ANKRD26: variants seen among roughly 807,000 people sequenced by gnomAD.
ANKRD26 encodes the protein ankyrin repeat domain 26, also known as ankyrin repeat domain-containing protein 26.
Under a neutral mutation model 208.7 loss-of-function variants are expected in ANKRD26, and 141 were observed. That is an observed-to-expected ratio of 0.68 (90% confidence interval 0.59 to 0.78). ANKRD26 has a LOEUF of 0.78. ANKRD26 is among the 30% of genes least tolerant of loss of function. The pLI, the probability that ANKRD26 is intolerant of heterozygous loss-of-function variation, is 0.00. For missense variants in ANKRD26, 1,889 were observed against 1,938.7 expected, an observed-to-expected ratio of 0.97 and a Z score of 0.48; for synonymous variants, 636 against 660.4, an observed-to-expected ratio of 0.96 and a Z score of 0.57.
chr10:27,023,226 G>A (rs2053547389), intron 28 of ANKRD26, among the ~76,000 whole-genome samples: 1 of 152,052 alleles, frequency 6.6e-6, no homozygotes, highest in South Asian at 2.1e-4. Flanking sequence ...CTATTCAGGA[G>A]GCTGAGTTGG....
the ANKRD26 span, among the ~76,000 whole-genome samples, chr10:26,958,310 T>C: frequency 1.3e-5 from 2 of 152,108 alleles, no homozygotes; most frequent in Non-Finnish European, 2.9e-5. Context: ...GGTTTCGAAC[T>C]CCTGACCTCA....
At chr10:26,977,993 T>G (rs747337522) in intron 5 of ANKRD26, among the ~76,000 whole-genome samples, 2 of 152,198 alleles carry the variant, frequency 1.3e-5, no homozygotes, top group Non-Finnish European at 2.9e-5. Flanking sequence ...CTTTGAATGC[T>G]TCTTTTGACT....
At chr10:27,050,228 A>AC in intron 16 of ANKRD26, among the ~76,000 whole-genome samples, 1 of 148,158 alleles carries the variant, frequency 6.7e-6, no homozygotes, top group Non-Finnish European at 1.5e-5. Flanking sequence ...TCAAAAAAAA[A>AC]AAAAAAAAAA....
chr10:27,094,715 G>T (rs1203960817), intron 1 of ANKRD26, among the ~76,000 whole-genome samples: 1 of 152,184 alleles, frequency 6.6e-6, no homozygotes, highest in East Asian at 1.9e-4. Context: ...AAAGATCAGC[G>T]ATAAGGCCAG....
rs1019429620 is a variant in ANKRD26, at chr10:27,091,889, A to C, written c.638+517T>G. ...GTAATCCCAGCTACTCAGGGGGCTGAGGCAGGAGAATCGCTTGAACCCAGG... is the reference window on the plus strand; with the variant it reads ...GTAATCCCAGCTACTCAGGGGGCTGCGGCAGGAGAATCGCTTGAACCCAGG... On this transcript the variant is annotated intron_variant, in intron 4 of 33. Coordinates refer to ENST00000376087, the MANE Select transcript of ANKRD26 (RefSeq NM_014915.3). Among the ~76,000 whole-genome samples the C allele has an allele frequency of 9.2e-5, 14 of 151,970 alleles. 1 individual carries two copies. Among genetic ancestry groups the C allele is most frequent in the Non-Finnish European group, 1.5e-4 (10 of 68,002 alleles).
chr10:27,086,777 T>G (rs936968686), intron 4 of ANKRD26, among the ~76,000 whole-genome samples, 168 bp from the exon 5 acceptor site: 5 of 142,098 alleles, frequency 3.5e-5, no homozygotes, highest in East Asian at 2.0e-4. Flanking sequence ...TGTTTTTTTT[T>G]TTTTTTTTTT....
At position 27,077,242 on chromosome 10, in the gene ANKRD26, CA is replaced by C; in HGVS notation, c.1077+95del. 3 of 1,117,892 alleles carry C rather than the reference CA, an allele frequency of 2.7e-6. No homozygotes were observed. In the South Asian group the frequency reaches 4.0e-5, roughly 15 times the overall value. 69.2% of individuals were successfully genotyped at this position (1,117,892 alleles called of 1,614,324 possible). A position where few individuals can be genotyped will look rare whatever the true frequency, so the allele number is the denominator to read the frequency against. On this transcript the variant is annotated intron_variant, in intron 9 of 33. Coordinates refer to ENST00000376087, the MANE Select transcript of ANKRD26 (RefSeq NM_014915.3). ...TTCATCACATAAACATAATTAGAAA[CA>C]AAAACTGTATGATCATCTCAATAGA...
At chr10:27,065,404 G>A (rs760397378) in intron 11 of ANKRD26, among the ~76,000 whole-genome samples, 3 of 152,058 alleles carry the variant, frequency 2.0e-5, no homozygotes, top group East Asian at 1.9e-4. Context: ...GGTCTCAAGC[G>A]TCAATTCACT....
In ANKRD26 at chr10:27,086,546, A is replaced by T; in HGVS notation, c.702T>A (p.Ser234Arg). 6.2e-7 allele frequency: 1 copy of T among 1,605,984 alleles called. No individual in the cohort carries two copies. Among genetic ancestry groups the T allele is most frequent in the Non-Finnish European group, 8.5e-7 (1 of 1,175,078 alleles). The change falls in exon 5 of 34, where the codon AGT becomes AGA. Residue 234 changes from serine (S) to arginine (R), a missense_variant. Physicochemically the swap from Ser to Arg is moderately radical, Grantham distance 110. This residue lies in a region of ANKRD26 where 1,272 missense variants were observed against 1,273.8 expected (regional missense o/e 1.00). Coordinates refer to ENST00000376087, the MANE Select transcript of ANKRD26 (RefSeq NM_014915.3). ...CACTATTGGAAGTCTTACCTGAATT[A>T]CTATTTTGAGAAGAATGTTTAGGTA... The part of the protein sequence containing the change: ...ERIPKHSSQN[S>R]NSVDESSEDS...
chr10:27,017,901 A>T (rs1225232179), intron 29 of ANKRD26, 109 bp from the exon 30 acceptor site: 2 of 1,032,472 alleles, frequency 1.9e-6, no homozygotes, highest in Non-Finnish European at 2.8e-6. Context: ...ATAAAATGTC[A>T]CCTGAACCAT....
intron 1 of ANKRD26, among the ~76,000 whole-genome samples, chr10:27,098,057 TATG>T (rs1263921130): frequency 1.3e-5 from 2 of 152,216 alleles, no homozygotes; most frequent in Non-Finnish European, 2.9e-5. Flanking sequence ...AAAACATGTA[TATG>T]ATAAAATGTA....
intron 16 of ANKRD26, among the ~76,000 whole-genome samples, chr10:27,050,662 C>G (rs2054623305): frequency 6.6e-6 from 1 of 152,248 alleles, no homozygotes; most frequent in Non-Finnish European, 1.5e-5. Flanking sequence ...GTCACTGCTT[C>G]TCTCCCACTG....
chr10:26,975,402 C>CTTTTTTTTTTTTTTT lies in ANKRD26; in HGVS notation c.*907_*921dup, dbSNP rs60226106. Among the ~76,000 whole-genome samples, 76 of 90,444 alleles carry CTTTTTTTTTTTTTTT rather than the reference C, an allele frequency of 8.4e-4. 4 individuals are homozygous for CTTTTTTTTTTTTTTT. Among genetic ancestry groups the CTTTTTTTTTTTTTTT allele is most frequent in the South Asian group, 1.2e-3 (3 of 2,602 alleles). 59.3% of individuals were successfully genotyped at this position (90,444 alleles called of 152,430 possible). ...AGCCACCTCGCCCAGCTAATTTTTG[C>CTTTTTTTTTTTTTTT]TTTTTTTTTTTTTTTTTTGGTGTAG... is the stretch of plus-strand genomic sequence containing the variant. On this transcript the variant is annotated 3_prime_UTR_variant and NMD_transcript_variant, in exon 6 of 6. Coordinates refer to the ANKRD26 transcript ENST00000674670.
In ANKRD26 at chr10:27,082,965, A is replaced by G. The variant is rs1324222322; in HGVS notation, c.710-132T>C. On this transcript the variant is annotated intron_variant, in intron 5 of 33. Coordinates refer to ENST00000376087, the MANE Select transcript of ANKRD26 (RefSeq NM_014915.3). ...ATCTGGAGACTATAATAGAATTAAT[A>G]TCCTCTATAAATATTCCATTATACT... 4 of 1,263,874 alleles carry G rather than the reference A, an allele frequency of 3.2e-6. No homozygotes were observed. The Admixed American group carries it at 1.1e-4, about 36-fold the overall frequency. 78.3% of individuals were successfully genotyped at this position (1,263,874 alleles called of 1,614,324 possible). A position where few individuals can be genotyped will look rare whatever the true frequency, so the allele number is the denominator to read the frequency against.
rs764321643 is a variant in ANKRD26 at position 27,053,358 on chromosome 10, C to T, written c.1597G>A (p.Glu533Lys). The stretch of plus-strand genomic sequence containing the variant: ...TTTTCACTCCCTTCCCTTTCTTGCT[C>T]TTCTTCTGATGCTACTTCTAAGTCA... ...EHDLEVASEE[E>K]QEREGSENNQ... The change falls in exon 16 of 34, where the codon GAG becomes AAG. Residue 533 changes from glutamate to lysine, a missense_variant. Transcript: ENST00000376087. The T allele has an allele frequency of 6.4e-7, 1 of 1,559,378 alleles. No individual in the cohort carries two copies. Among genetic ancestry groups the T allele is most frequent in the South Asian group, 1.4e-5 (1 of 71,616 alleles).
chr10:27,007,439 A>G (rs556796134), intron 32 of ANKRD26, among the ~76,000 whole-genome samples: 5 of 152,326 alleles, frequency 3.3e-5, no homozygotes, highest in Non-Finnish European at 5.9e-5. Flanking sequence ...AGATTGCCTG[A>G]GCTCAGGAGT....
chr10:27,076,323 C>T (rs1389856595), intron 9 of ANKRD26, among the ~76,000 whole-genome samples: 3 of 150,406 alleles, frequency 2.0e-5, no homozygotes, highest in East Asian at 1.9e-4. Context: ...AGTGCAATGG[C>T]GTGATCTTGG....
intron 9 of ANKRD26, among the ~76,000 whole-genome samples, chr10:27,074,454 G>A (rs1026576499): frequency 2.0e-5 from 3 of 152,236 alleles, no homozygotes; most frequent in African/African-American, 7.2e-5. Flanking sequence ...GCCAAGGTGG[G>A]TGGATCGCTT....
intron 31 of ANKRD26, among the ~76,000 whole-genome samples, chr10:27,013,351 TAGGGA>T (rs1165153906): frequency 2.0e-5 from 3 of 152,002 alleles, no homozygotes; most frequent in Non-Finnish European, 2.9e-5. Context: ...TCAAGCAAAG[TAGGGA>T]AGGGAAGAAA....
Sources: allele counts gnomAD v4.1 joint callset (sites outside exome capture counted in the v4.1 genomes callset), GRCh38; gene constraint gnomAD v4.1.1; regional missense constraint gnomAD v4.1.1; transcripts MANE v1.5; gene names NCBI Gene and HGNC (gene_info 2026-07-23, HGNC 2026-07-21).